The following ADAM2 variants were observed in gnomAD, a reference collection of about 807,000 sequenced individuals.
ADAM2 encodes ADAM metallopeptidase domain 2.
A neutral mutation model predicts 99.3 loss-of-function variants in ADAM2; 101 were observed. The observed-to-expected ratio is 1.02, with a 90% CI of 0.87 to 1.20. The LOEUF (loss-of-function observed/expected upper bound fraction) is 1.20. Ranked by LOEUF, ADAM2 falls within the 50% of genes most tolerant of loss-of-function variation. ADAM2 has a pLI of 0.00. For synonymous variants in ADAM2, 323 were observed against 287.6 expected (o/e 1.12, Z -1.25); for missense variants, 948 against 878.7 (o/e 1.08, Z -1.00).
chr8:39,802,377 T>C (rs1804254455), intron 7 of ADAM2, among the ~76,000 whole-genome samples: 1 of 149,518 alleles, frequency 6.7e-6, no homozygotes. Context: ...CTCTTATGGC[T>C]TTTTTTCAAT....
Position 39,833,950 on chromosome 8 carries a change from A to T in ADAM2, c.182T>A (p.Met61Lys). 2.6e-6 allele frequency: 4 copies of T among 1,531,930 alleles called. No individual in the cohort carries two copies. Among genetic ancestry groups the T allele is most frequent in the Non-Finnish European group, 3.6e-6 (4 of 1,108,124 alleles). The allele number at this position is 1,531,930 out of a possible 1,614,324, so 94.9% of individuals were successfully genotyped here. ...IEGKPYTVNL[M>K]QKNFLPHNFR... ...AATAATGATGATTACCTACTTTTGC[A>T]TTAAATTCACAGTATATGGTTTCCC... The change falls in exon 3 of 21, where the codon ATG becomes AAG. Residue 61 changes from methionine to lysine, a missense_variant. Met to Lys is a moderately conservative substitution (Grantham distance 95, BLOSUM62 -1). Coordinates refer to ENST00000265708, the MANE Select transcript of ADAM2 (RefSeq NM_001464.5).
At chr8:39,821,965 G>T (rs143359033) in intron 4 of ADAM2, among the ~76,000 whole-genome samples, 8 of 152,228 alleles carry the variant, frequency 5.3e-5, no homozygotes, top group African/African-American at 1.7e-4. Context: ...TGACAATGTT[G>T]CATGGTAGAT....
chr8:39,803,455 G>T (rs113065217), intron 7 of ADAM2, among the ~76,000 whole-genome samples: 2,923 of 152,120 alleles, frequency 0.019, 102 homozygotes, highest in African/African-American at 0.067. Context: ...ATATAATGAC[G>T]TTCCCTCTGT....
intron 7 of ADAM2, among the ~76,000 whole-genome samples, chr8:39,808,941 A>C (rs1003752764): frequency 1.1e-4 from 17 of 152,276 alleles, no homozygotes; most frequent in Non-Finnish European, 1.8e-4. Context: ...AAATACATAA[A>C]GAAAAATAAA....
chr8:39,767,973 AAG>A (rs1376582403), intron 12 of ADAM2, among the ~76,000 whole-genome samples: 4 of 152,070 alleles, frequency 2.6e-5, no homozygotes, highest in Non-Finnish European at 4.4e-5. Flanking sequence ...AAATTGGAAA[AAG>A]AAATTTGATA....
In ADAM2 at chr8:39,821,622, T is replaced by C. The variant is rs1428256012; in HGVS notation, c.308A>G (p.Lys103Arg). The C allele has an allele frequency of 1.1e-5, 17 of 1,608,948 alleles. No individual in the cohort carries two copies. The highest frequency in any genetic ancestry group is 1.4e-5 in the Non-Finnish European group (17 of 1,175,882). Residue 103 changes from lysine to arginine, a missense_variant, in exon 5 of 21, where the codon AAA becomes AGA. Lys to Arg is a conservative substitution (Grantham distance 26). Coordinates refer to ENST00000265708, the MANE Select transcript of ADAM2 (RefSeq NM_001464.5). Reference sequence around the variant, plus strand: ...ACATGTGCTAACCATCACCACAGATTTTGGATAACCTTCAATATACCCTTG... The same window carrying C: ...ACATGTGCTAACCATCACCACAGATCTTGGATAACCTTCAATATACCCTTG... ...HYQGYIEGYP[K>R]SVVMVSTCTG... is the part of the protein sequence containing the mutation.
At chr8:39,777,296 T>A (rs1803031644) in intron 10 of ADAM2, 135 bp from the exon 11 acceptor site, 1 of 574,366 alleles carries the variant, frequency 1.7e-6, no homozygotes, top group African/African-American at 1.9e-5. Flanking sequence ...CTTGTTGGTC[T>A]AACTCATTAT....
chr8:39,789,048 C>T (rs970162614), intron 7 of ADAM2, among the ~76,000 whole-genome samples: 1 of 150,962 alleles, frequency 6.6e-6, no homozygotes, highest in Non-Finnish European at 1.5e-5. Context: ...AGCTCTAAAC[C>T]GGAATGTTTA....
intron 6 of ADAM2, among the ~76,000 whole-genome samples, chr8:39,812,445 C>G (rs1260340069): frequency 6.6e-6 from 1 of 152,064 alleles, no homozygotes; most frequent in South Asian, 2.1e-4. Flanking sequence ...CATATGGAAC[C>G]AAAAATGAGC....
At chr8:39,815,935 T>A (rs76916933) in intron 6 of ADAM2, among the ~76,000 whole-genome samples, 3 of 152,078 alleles carry the variant, frequency 2.0e-5, no homozygotes, top group African/African-American at 7.2e-5. Context: ...TCCACCACAA[T>A]TAGATATCAG....
intron 15 of ADAM2, among the ~76,000 whole-genome samples, chr8:39,760,808 T>C (rs1446880742): frequency 6.9e-6 from 1 of 145,148 alleles, no homozygotes; most frequent in Non-Finnish European, 1.5e-5. Flanking sequence ...ACTATGAGGA[T>C]TGTCATGCTT....
intron 16 of ADAM2, among the ~76,000 whole-genome samples, chr8:39,754,381 T>C (rs1234527698): frequency 1.3e-5 from 2 of 152,104 alleles, no homozygotes; most frequent in African/African-American, 2.4e-5. Flanking sequence ...AATTACTTTG[T>C]ATTATGGGAA....
At chr8:39,796,235 T>C (rs1803937170) in intron 7 of ADAM2, among the ~76,000 whole-genome samples, 1 of 151,984 alleles carries the variant, frequency 6.6e-6, no homozygotes, top group Non-Finnish European at 1.5e-5. Context: ...TGTTCCACTC[T>C]CTGTGTCCTT....
intron 16 of ADAM2, among the ~76,000 whole-genome samples, chr8:39,750,601 A>G (rs1586043719): frequency 1.3e-5 from 2 of 152,172 alleles, no homozygotes; most frequent in Admixed American, 6.5e-5. Context: ...AATGATAAGC[A>G]TACAATGAAA....
chr8:39,814,978 G>C (rs1353651548), intron 6 of ADAM2, among the ~76,000 whole-genome samples: 1 of 151,910 alleles, frequency 6.6e-6, no homozygotes, highest in Non-Finnish European at 1.5e-5. Flanking sequence ...GCAAGAGACA[G>C]CATTATTGCA....
At position 39,837,154 on chromosome 8, in the gene ADAM2, C is replaced by CT; in HGVS notation, c.113dup (p.Glu39GlyfsTer4). Reference sequence around the variant, plus strand: ...TCATTACCTGCGATTCAATTCCTTCCTTTATTATTGACCGTATTTTCTCCG... The same window carrying CT: ...TCATTACCTGCGATTCAATTCCTTCCTTTTATTATTGACCGTATTTTCTCCG... On this transcript the variant is annotated frameshift_variant, in exon 2 of 21. Transcript: ENST00000265708. LOFTEE classifies it high-confidence loss of function. 1 of 1,604,260 alleles carries CT rather than the reference C, an allele frequency of 6.2e-7. No homozygotes were observed. The highest frequency in any genetic ancestry group is 8.5e-7 in the Non-Finnish European group (1 of 1,173,738).
chr8:39,806,707 A>T (rs1804456906), intron 7 of ADAM2, among the ~76,000 whole-genome samples: 1 of 152,042 alleles, frequency 6.6e-6, no homozygotes, highest in Admixed American at 6.6e-5. Flanking sequence ...TGATAGAGAA[A>T]CTGTAAAGCA....
chr8:39,753,517 C>T (rs550564405), intron 16 of ADAM2, among the ~76,000 whole-genome samples: 1 of 152,164 alleles, frequency 6.6e-6, no homozygotes, highest in East Asian at 1.9e-4. Context: ...GTCATCAAGA[C>T]AGTGGGGAAA....
At chr8:39,830,622 T>C (rs1586166009) in intron 3 of ADAM2, among the ~76,000 whole-genome samples, 1 of 152,190 alleles carries the variant, frequency 6.6e-6, no homozygotes. Flanking sequence ...ATCAGAATCA[T>C]ACCTTAAGAA....
Sources: gnomAD v4.1 joint callset for allele counts (sites outside exome capture counted in the v4.1 genomes callset) on GRCh38, gnomAD v4.1.1 for gene constraint, MANE v1.5 for transcripts, NCBI Gene and HGNC (gene_info 2026-07-23, HGNC 2026-07-21) for gene names.